Variants in CD109 observed in about 807,000 individuals in gnomAD.
The protein encoded by CD109 is CD109 antigen.
A neutral mutation model predicts 165.8 loss-of-function variants in CD109; 149 were observed. That is an observed-to-expected ratio of 0.90 (90% CI 0.79 to 1.03). The LOEUF (loss-of-function observed/expected upper bound fraction) is 1.03. Among genes scored for constraint, CD109 ranks in the 50% least tolerant of loss-of-function variants. The pLI, the probability that CD109 is intolerant of heterozygous loss-of-function variation, is 0.00. For synonymous variants in CD109, 585 were observed against 592.1 expected (o/e 0.99, Z 0.18); for missense variants, 1,712 against 1,677.8 (o/e 1.02, Z -0.36).
chr6:73,802,255 A>G (rs938511875), intron 23 of CD109, among the ~76,000 whole-genome samples: 73 of 118,288 alleles, frequency 6.2e-4, no homozygotes, highest in East Asian at 4.2e-3. Flanking sequence ...GAGCATGTGT[A>G]TATGTGTGTG....
intron 2 of CD109, among the ~76,000 whole-genome samples, chr6:73,713,036 A>G (rs1359831252): frequency 6.6e-6 from 1 of 152,168 alleles, no homozygotes. Context: ...CAACCTAGCA[A>G]CAGCAGAGAA....
intron 23 of CD109, among the ~76,000 whole-genome samples, chr6:73,801,081 G>C (rs1258315108): frequency 6.6e-6 from 1 of 152,232 alleles, no homozygotes; most frequent in South Asian, 2.1e-4. Context: ...AGCTTTCCAT[G>C]TAAAAGGTAC....
chr6:73,767,893 GCT>G (rs1773906622), intron 13 of CD109, among the ~76,000 whole-genome samples, 160 bp from the exon 14 acceptor site: 1 of 152,006 alleles, frequency 6.6e-6, no homozygotes, highest in South Asian at 2.1e-4. Flanking sequence ...CTCAGTGTAT[GCT>G]CTCTGTGTTT....
intron 22 of CD109, among the ~76,000 whole-genome samples, chr6:73,791,911 T>C (rs1774986232): frequency 6.6e-6 from 1 of 152,194 alleles, no homozygotes; most frequent in African/African-American, 2.4e-5. Context: ...GTATAAGTTT[T>C]CAAAATAAAC....
intron 6 of CD109, 97 bp downstream of exon 6, chr6:73,756,779 A>G (rs1773408648): frequency 9.7e-6 from 8 of 821,292 alleles, no homozygotes; most frequent in Non-Finnish European, 1.5e-5. Context: ...TGAAGTAAAA[A>G]TCTCAATGGA....
rs1433945301 is a variant in CD109, at chr6:73,768,080, C to T, written c.1523C>T (p.Ala508Val). 6.2e-7 allele frequency: 1 copy of T among 1,613,282 alleles called. No individual in the cohort carries two copies. Residue 508 changes from alanine (A) to valine (V), a missense_variant, in exon 14 of 33, where the codon GCT becomes GTT. Physicochemically the swap from Ala to Val is moderately conservative, Grantham distance 64 (BLOSUM62 0). Transcript: ENST00000287097. ...GTAGTATCCAGGGGACAGTTGGTGG[C>T]TGTAGGAAAACAAAATTCAACAATG... ...YMVVSRGQLV[A>V]VGKQNSTMFS... is the part of the protein sequence containing the mutation.
rs751297254 is a variant in CD109 at position 73,697,380 on chromosome 6, C to G, written c.75-20C>G. On this transcript the variant is annotated intron_variant, in intron 1 of 32. Transcript: ENST00000287097. ...GTGAGGATAAGAAACTTTGTTTTTC[C>G]CTTGTTGGGAACTCTTTAGGCCTCG... The G allele has an allele frequency of 6.2e-7, 1 of 1,604,360 alleles. No homozygotes were observed. Among genetic ancestry groups the G allele is most frequent in the Non-Finnish European group, 8.5e-7 (1 of 1,175,710 alleles).
chr6:73,802,289 G>GTGTGTATATATATATATA (rs71542231), intron 23 of CD109, among the ~76,000 whole-genome samples: 1 of 78,202 alleles, frequency 1.3e-5, no homozygotes, highest in African/African-American at 6.0e-5. Flanking sequence ...GTGTGTGTGT[G>GTGTGTATATATATATATA]TATATATATA....
In CD109 at chr6:73,792,606, T is replaced by C. The variant is rs1775009954; in HGVS notation, c.2702-20T>C. The C allele has an allele frequency of 1.2e-6, 2 of 1,610,752 alleles. No homozygotes were observed. The highest frequency in any genetic ancestry group is 8.5e-7 in the Non-Finnish European group (1 of 1,179,308). On this transcript the variant is annotated intron_variant, in intron 22 of 32. Coordinates refer to ENST00000287097, the MANE Select transcript of CD109 (RefSeq NM_133493.5). ...GTTACTGAGTATTTACTGAATGAAC[T>C]GCATGTCTTGTGCTTCCAGGAGATG...
chr6:73,795,843 C>G lies in CD109; in HGVS notation c.2878+3041C>G, dbSNP rs557974934. On this transcript the variant is annotated intron_variant, in intron 23 of 32. Coordinates refer to ENST00000287097, the MANE Select transcript of CD109 (RefSeq NM_133493.5). The stretch of plus-strand genomic sequence containing the variant: ...AAGACAGGGATAATAAAAGAACCCA[C>G]TTAGTAGGGTTGTTTTTAGGAGTCA... 2.6e-5 allele frequency among the ~76,000 whole-genome samples: 4 copies of G among 152,188 alleles called. No homozygotes were observed. The South Asian group carries it at 8.3e-4, about 32-fold the overall frequency.
chr6:73,820,368 TG>T (rs1431445540), intron 31 of CD109, 92 bp from the exon 32 acceptor site: 1 of 647,024 alleles, frequency 1.5e-6, no homozygotes, highest in African/African-American at 1.9e-5. Context: ...TGTTAGTCTC[TG>T]TTTCCTAAAA....
chr6:73,690,689 C>T, the CD109 span, among the ~76,000 whole-genome samples: 3 of 152,154 alleles, frequency 2.0e-5, no homozygotes, highest in Non-Finnish European at 4.4e-5. Context: ...CGTGAGCCAC[C>T]GTGCCCGGCT....
chr6:73,693,541 T>C (rs997944478), upstream of CD109, among the ~76,000 whole-genome samples: 3 of 152,214 alleles, frequency 2.0e-5, no homozygotes, highest in Non-Finnish European at 4.4e-5. Flanking sequence ...TATTGTTACA[T>C]GTTCAGACCA....
At chr6:73,754,027 A>G (rs1419657936) in intron 5 of CD109, among the ~76,000 whole-genome samples, 1 of 152,228 alleles carries the variant, frequency 6.6e-6, no homozygotes, top group Non-Finnish European at 1.5e-5. Flanking sequence ...ATACTGTGTT[A>G]GGCAAGATGA....
At position 73,730,446 on chromosome 6, in the gene CD109, A is replaced by ATTC; in HGVS notation, c.379_380insTTC (p.Lys127delinsIleGln). 1 of 1,613,586 alleles carries ATTC rather than the reference A, an allele frequency of 6.2e-7. No individual in the cohort carries two copies. Among genetic ancestry groups the ATTC allele is most frequent in the East Asian group, 2.2e-5 (1 of 44,876 alleles). ...TAGTACCCGCTTATCATTTGAGACCAAGAGAATATCTGTCTTCATTCAAAC... is the reference window on the plus strand; with the variant it reads ...TAGTACCCGCTTATCATTTGAGACCATTCAGAGAATATCTGTCTTCATTCAAAC... On this transcript the variant is annotated protein_altering_variant, in exon 4 of 33. Coordinates refer to ENST00000287097, the MANE Select transcript of CD109 (RefSeq NM_133493.5).
intron 4 of CD109, among the ~76,000 whole-genome samples, chr6:73,731,387 G>C (rs1486385123): frequency 6.6e-6 from 1 of 152,196 alleles, no homozygotes; most frequent in Non-Finnish European, 1.5e-5. Context: ...GAGAGCCAAA[G>C]GCAGTAAAAG....
At chr6:73,713,789 G>C (rs1250442635) in intron 2 of CD109, among the ~76,000 whole-genome samples, 2 of 152,198 alleles carry the variant, frequency 1.3e-5, no homozygotes, top group East Asian at 3.8e-4. Flanking sequence ...TGTTTAGCTT[G>C]TTTTGAAGTG....
Position 73,823,553 on chromosome 6 carries a change from G to C in CD109, c.4258G>C (p.Ala1420Pro), listed in dbSNP as rs774374738. 3.1e-6 allele frequency: 5 copies of C among 1,613,836 alleles called. No individual in the cohort carries two copies. Among genetic ancestry groups the C allele is most frequent in the South Asian group, 1.1e-5 (1 of 91,064 alleles). The change falls in exon 33 of 33, where the codon GCT (alanine) becomes CCT (proline). Residue 1420 changes from alanine to proline, a missense_variant. By Grantham distance (27) the Ala-to-Pro change is conservative. Transcript: ENST00000287097. The part of the protein sequence containing the change: ...VQGCRPCEDG[A>P]SGSHHHSSVI... ...GGGCTGCCGTCCTTGTGAGGATGGA[G>C]CTTCAGGCTCCCATCATCACTCTTC...
In CD109 at chr6:73,791,936, C is replaced by A. The variant is rs534394742; in HGVS notation, c.2702-690C>A. Among the ~76,000 whole-genome samples, 4 of 152,160 alleles carry A rather than the reference C, an allele frequency of 2.6e-5. No homozygotes were observed. In the South Asian group the frequency reaches 6.2e-4, roughly 24 times the overall value. ...TCAAAATAAACTACATAGAAAGATA[C>A]TCTTATCTATACAGCTTAACAATGG... On this transcript the variant is annotated intron_variant, in intron 22 of 32. Transcript: ENST00000287097.
Sources: allele counts gnomAD v4.1 joint callset (sites outside exome capture counted in the v4.1 genomes callset), GRCh38; gene constraint gnomAD v4.1.1; transcripts MANE v1.5; gene names NCBI Gene and HGNC (gene_info 2026-07-23, HGNC 2026-07-21).